Variants in IL1RAPL2 observed in about 807,000 individuals in gnomAD.
The protein encoded by IL1RAPL2 is interleukin 1 receptor accessory protein like 2, also known as X-linked interleukin-1 receptor accessory protein-like 2.
IL1RAPL2 carries 3 observed loss-of-function variants against 44.1 expected under a neutral mutation model. That is an observed-to-expected ratio of 0.07 (90% confidence interval 0.03 to 0.18). The LOEUF (loss-of-function observed/expected upper bound fraction) is 0.18, where lower values mean the gene tolerates loss of function less well. IL1RAPL2 is among the 10% of genes least tolerant of loss of function. The pLI, the probability that IL1RAPL2 is intolerant of heterozygous loss-of-function variation, is 1.00. For synonymous variants in IL1RAPL2, 181 were observed against 178.8 expected (o/e 1.01, Z -0.10); for missense variants, 391 against 496.4 (o/e 0.79, Z 2.02).
intron 2 of IL1RAPL2, among the ~76,000 whole-genome samples, chrX:105,110,099 G>A (rs2032786210): frequency 8.9e-6 from 1 of 111,960 alleles, no homozygotes; most frequent in Non-Finnish European, 1.9e-5. Flanking sequence ...ATATACGAAA[G>A]CCTTTGTCTC....
intron 1 of IL1RAPL2, among the ~76,000 whole-genome samples, chrX:104,609,181 C>T (rs1392019237): frequency 1.8e-5 from 2 of 112,096 alleles, no homozygotes; most frequent in African/African-American, 6.5e-5. Flanking sequence ...ATATTGGCCC[C>T]CACTCTCTTC....
chrX:104,899,861 A>G (rs185522627), intron 2 of IL1RAPL2, among the ~76,000 whole-genome samples: 35 of 111,961 alleles, frequency 3.1e-4, no homozygotes, highest in African/African-American at 1.0e-3. Flanking sequence ...TCTATCATCT[A>G]TGTGCTCGTA....
intron 1 of IL1RAPL2, among the ~76,000 whole-genome samples, chrX:104,604,080 G>A (rs1339240753): frequency 3.6e-5 from 4 of 112,110 alleles, no homozygotes; most frequent in Non-Finnish European, 7.5e-5. Context: ...CCCACAAAGG[G>A]AAGCCCATCA....
At chrX:104,628,009 T>C (rs1384812393) in intron 1 of IL1RAPL2, among the ~76,000 whole-genome samples, 2 of 112,130 alleles carry the variant, frequency 1.8e-5, no homozygotes, top group Non-Finnish European at 1.9e-5. Flanking sequence ...TTACATATAC[T>C]TCAATGATTT....
chrX:104,638,209 GT>G (rs1011034462), intron 1 of IL1RAPL2, among the ~76,000 whole-genome samples: 19 of 107,487 alleles, frequency 1.8e-4, no homozygotes, highest in Non-Finnish European at 3.1e-4. Context: ...CAGTTGAAAT[GT>G]TTTTTTTTCA....
At chrX:105,372,982 T>C (rs1191474536) in intron 5 of IL1RAPL2, among the ~76,000 whole-genome samples, 2 of 112,805 alleles carry the variant, frequency 1.8e-5, no homozygotes, top group East Asian at 5.6e-4. Context: ...TTAACATATG[T>C]TTGCATGTGT....
At chrX:105,714,946 A>G (rs754074644) in intron 6 of IL1RAPL2, among the ~76,000 whole-genome samples, 13 of 112,195 alleles carry the variant, frequency 1.2e-4, no homozygotes, top group Non-Finnish European at 2.3e-4. Flanking sequence ...AAATTTTTAA[A>G]TAACTAATTC....
At position 105,195,497 on chromosome X, in the gene IL1RAPL2, A is replaced by C. The variant is rs782810617; in HGVS notation, c.105A>C (p.Ser35=). The C allele has an allele frequency of 5.0e-6, 6 of 1,210,307 alleles. No individual in the cohort carries two copies. In the Admixed American group the frequency reaches 1.3e-4, roughly 26 times the overall value. The change falls in exon 3 of 11, where the codon TCA becomes TCC. Residue 35 remains serine (S), a synonymous_variant. Coordinates refer to ENST00000372582, the MANE Select transcript of IL1RAPL2 (RefSeq NM_017416.2). ...CAGTGGATGGCTGCATTGACTGGTC[A>C]GTGGATCTCAAGACATACATGGCTT... ...RNSVDGCIDW[S]VDLKTYMALA...
chrX:104,670,951 T>C (rs1165711466), intron 2 of IL1RAPL2, among the ~76,000 whole-genome samples: 2 of 111,433 alleles, frequency 1.8e-5, no homozygotes, highest in East Asian at 2.8e-4. Context: ...CCTCTACTTA[T>C]GAAATAAAAC....
intron 2 of IL1RAPL2, among the ~76,000 whole-genome samples, chrX:104,976,424 G>A (rs1210574720): frequency 8.9e-6 from 1 of 111,810 alleles, no homozygotes; most frequent in African/African-American, 3.3e-5. Flanking sequence ...GCCAGTGAAT[G>A]AAATATGACA....
At chrX:105,313,103 G>T (rs1446346073) in intron 5 of IL1RAPL2, among the ~76,000 whole-genome samples, 1 of 111,469 alleles carries the variant, frequency 9.0e-6, no homozygotes, top group Non-Finnish European at 1.9e-5. Flanking sequence ...CATTCCAAAA[G>T]TTCAGCATAC....
chrX:105,695,160 G>C (rs1001438786), intron 6 of IL1RAPL2, among the ~76,000 whole-genome samples: 2 of 111,885 alleles, frequency 1.8e-5, no homozygotes, highest in Non-Finnish European at 3.8e-5. Context: ...TCAAAAAACT[G>C]CTTCTAAATG....
chrX:105,650,913 A>C (rs1446900433), intron 6 of IL1RAPL2, among the ~76,000 whole-genome samples: 1 of 112,522 alleles, frequency 8.9e-6, no homozygotes, highest in Non-Finnish European at 1.9e-5. Flanking sequence ...ATTCTTCTGC[A>C]CAGTTCAACT....
At chrX:105,733,339 C>A (rs1480295146) in intron 7 of IL1RAPL2, among the ~76,000 whole-genome samples, 1 of 110,796 alleles carries the variant, frequency 9.0e-6, no homozygotes, top group Non-Finnish European at 1.9e-5. Flanking sequence ...AATGATATGC[C>A]TAGGTGTAGG....
At chrX:104,752,657 T>G (rs1051065816) in intron 2 of IL1RAPL2, among the ~76,000 whole-genome samples, 1 of 110,707 alleles carries the variant, frequency 9.0e-6, no homozygotes, top group South Asian at 3.9e-4. Flanking sequence ...GGGCCTTTGT[T>G]AGGTATACTA....
rs768778990 is a variant in IL1RAPL2 at position 105,287,641 on chromosome X, T to C, written c.697+20100T>C. Reference sequence around the variant, plus strand: ...TGGACTAGGGTGGAAGTTGTGACTATAGAGAAAAGTAGATGCATTTTAGGG... The same window carrying C: ...TGGACTAGGGTGGAAGTTGTGACTACAGAGAAAAGTAGATGCATTTTAGGG... On this transcript the variant is annotated intron_variant, in intron 5 of 10. Coordinates refer to ENST00000372582, the MANE Select transcript of IL1RAPL2 (RefSeq NM_017416.2). 2.7e-5 allele frequency among the ~76,000 whole-genome samples: 3 copies of C among 111,286 alleles called. No homozygotes were observed. The East Asian group carries it at 8.6e-4, about 32-fold the overall frequency.
chrX:105,085,523 A>C (rs969675457), intron 2 of IL1RAPL2, among the ~76,000 whole-genome samples: 1 of 112,610 alleles, frequency 8.9e-6, no homozygotes, highest in Non-Finnish European at 1.9e-5. Context: ...GTGAAAGATA[A>C]ATGTTGGCAA....
chrX:105,745,881 C>T (rs1459619460), intron 8 of IL1RAPL2, among the ~76,000 whole-genome samples: 1 of 111,265 alleles, frequency 9.0e-6, no homozygotes, highest in African/African-American at 3.3e-5. Context: ...CAGGGCTTCA[C>T]TTTGTTGACC....
At chrX:105,615,597 C>T (rs1047807172) in intron 6 of IL1RAPL2, among the ~76,000 whole-genome samples, 2 of 111,875 alleles carry the variant, frequency 1.8e-5, no homozygotes, top group African/African-American at 3.2e-5. Flanking sequence ...ATTCACTTTG[C>T]ATGTGTTCAC....
Sources: allele counts gnomAD v4.1 joint callset (sites outside exome capture counted in the v4.1 genomes callset), GRCh38; gene constraint gnomAD v4.1.1; transcripts MANE v1.5; gene names NCBI Gene and HGNC (gene_info 2026-07-23, HGNC 2026-07-21).